CPLANE1: variants seen among roughly 807,000 people sequenced by gnomAD.
The protein encoded by CPLANE1 is ciliogenesis and planar polarity effector complex subunit 1.
CPLANE1 carries 263 observed loss-of-function variants against 362.5 expected under a neutral mutation model. The observed-to-expected ratio is 0.73, with a 90% confidence interval of 0.66 to 0.80. The LOEUF (loss-of-function observed/expected upper bound fraction) is 0.80. CPLANE1 is among the 30% of genes least tolerant of loss of function. The pLI is 0.00. For missense variants in CPLANE1, 3,461 were observed against 3,793.4 expected (o/e 0.91, Z 2.30); for synonymous variants, 1,212 against 1,302.6 (o/e 0.93, Z 1.50).
chr5:37,172,343 A>G (rs1480155311), intron 32 of CPLANE1, among the ~76,000 whole-genome samples: 1 of 152,214 alleles, frequency 6.6e-6, no homozygotes, highest in Admixed American at 6.5e-5. Context: ...ACCGACATAT[A>G]GTATGGGCAA....
intron 48 of CPLANE1, 29 bp from the exon 49 acceptor site, chr5:37,121,813 T>G (rs756511467): frequency 1.3e-6 from 2 of 1,585,592 alleles, no homozygotes; most frequent in Non-Finnish European, 1.7e-6. Flanking sequence ...GCATCATTTA[T>G]TAAGAGTCAC....
chr5:37,182,383 C>T (rs1007175843), intron 26 of CPLANE1, among the ~76,000 whole-genome samples: 1 of 152,182 alleles, frequency 6.6e-6, no homozygotes, highest in Non-Finnish European at 1.5e-5. Context: ...TATCCCCTAA[C>T]GGACTTGATG....
Position 37,107,700 on chromosome 5 carries a change from C to A in CPLANE1, c.9658G>T (p.Gly3220Cys), listed in dbSNP as rs1445678153. 6.2e-7 allele frequency: 1 copy of A among 1,612,004 alleles called. No individual in the cohort carries two copies. Among genetic ancestry groups the A allele is most frequent in the Admixed American group, 1.7e-5 (1 of 59,816 alleles). The part of the protein sequence containing the change: ...GGVDSVSEST[G>C]SILSKLDWNA... ...CAGTCCAGCTTGCTGAGGATGCTGC[C>A]AGTGCTCTCAGACACGCTGTCCACA... is the stretch of plus-strand genomic sequence containing the variant. The change falls in exon 53 of 53, where the codon GGC becomes TGC. Residue 3220 changes from glycine to cysteine, a missense_variant. Transcript: ENST00000651892.
chr5:37,125,538 C>G (rs1257270013), intron 46 of CPLANE1, 129 bp from the exon 47 acceptor site: 9 of 746,374 alleles, frequency 1.2e-5, no homozygotes, highest in Non-Finnish European at 1.9e-5. Context: ...TACTTATGTT[C>G]TCTAGTCAAC....
At chr5:37,096,520 T>TA in the CPLANE1 span, among the ~76,000 whole-genome samples, 1 of 152,094 alleles carries the variant, frequency 6.6e-6, no homozygotes, top group Non-Finnish European at 1.5e-5. Context: ...ACCAAGAACC[T>TA]AAAAGCAAAT....
At chr5:37,145,271 CT>C (rs1459376480) in intron 43 of CPLANE1, among the ~76,000 whole-genome samples, 2 of 152,196 alleles carry the variant, frequency 1.3e-5, no homozygotes, top group East Asian at 3.9e-4. Context: ...CACCACTGCA[CT>C]CTCCAGACTG....
In CPLANE1 at chr5:37,153,763, T is replaced by G. The variant is rs2150618421; in HGVS notation, c.8350A>C (p.Met2784Leu). 6.2e-7 allele frequency: 1 copy of G among 1,612,950 alleles called. No individual in the cohort carries two copies. The highest frequency in any genetic ancestry group is 1.1e-5 in the South Asian group (1 of 91,010). Residue 2784 changes from methionine (M) to leucine (L), a missense_variant, in exon 42 of 53, where the codon ATG becomes CTG. Met to Leu is a conservative substitution (Grantham distance 15). Around this residue, in one of 2 missense-constraint regions of CPLANE1, gnomAD observed 3,380 missense variants for 3,666.1 expected, o/e 0.92. Coordinates refer to ENST00000651892, the MANE Select transcript of CPLANE1 (RefSeq NM_001384732.1). ...ACCTTATCACAATGTAGATCTAGCA[T>G]TTCAGGCTTGGGGAAATCCTGTTCT... ...NIEQDFPKPE[M>L]LDLHCDKIGP...
chr5:37,078,631 C>T, the CPLANE1 span, among the ~76,000 whole-genome samples: 7 of 151,904 alleles, frequency 4.6e-5, no homozygotes, highest in Admixed American at 3.3e-4. Context: ...GCCACACTGT[C>T]TTCCACAATG....
intron 34 of CPLANE1, among the ~76,000 whole-genome samples, chr5:37,168,209 T>C (rs187750619): frequency 7.7e-6 from 1 of 130,620 alleles, no homozygotes; most frequent in Admixed American, 7.4e-5. Context: ...TTAATATATA[T>C]GCTACTAATC....
At chr5:37,077,788 A>T in the CPLANE1 span, among the ~76,000 whole-genome samples, 1 of 150,182 alleles carries the variant, frequency 6.7e-6, no homozygotes, top group Non-Finnish European at 1.5e-5. Flanking sequence ...TAATTTTTAA[A>T]TTTTTTTTGT....
At chr5:37,244,892 A>G (rs753902225) in intron 4 of CPLANE1, among the ~76,000 whole-genome samples, 3 of 151,932 alleles carry the variant, frequency 2.0e-5, no homozygotes, top group Non-Finnish European at 4.4e-5. Context: ...ACAGAACAAG[A>G]TCCTGTCTCT....
chr5:37,108,010 C>A (rs528094755), intron 52 of CPLANE1, among the ~76,000 whole-genome samples: 4 of 152,242 alleles, frequency 2.6e-5, no homozygotes, highest in African/African-American at 9.6e-5. Flanking sequence ...GATGTGAAGA[C>A]AGGGCAGAAC....
chr5:37,102,066 G>A (rs1757320188), downstream of CPLANE1, among the ~76,000 whole-genome samples: 1 of 151,670 alleles, frequency 6.6e-6, no homozygotes, highest in Admixed American at 6.6e-5. Flanking sequence ...TTTTTGAAGG[G>A]TTTTTTCATG....
chr5:37,164,251 C>T, intron 37 of CPLANE1, 22 bp downstream of exon 37: 1 of 1,569,672 alleles, frequency 6.4e-7, no homozygotes, highest in East Asian at 2.2e-5. Context: ...TTAGACATTA[C>T]ATTAATCATA....
intron 1 of CPLANE1, 53 bp from the exon 2 acceptor site, chr5:37,247,798 ATTTT>A (rs11320255): frequency 3.6e-4 from 366 of 1,030,932 alleles, no homozygotes; most frequent in Middle Eastern, 6.9e-4. Context: ...TTCACTGGGC[ATTTT>A]TTTTTTTTTT....
intron 44 of CPLANE1, chr5:37,140,167 A>G (rs1056912755): frequency 1.3e-5 from 11 of 874,744 alleles, no homozygotes; most frequent in Non-Finnish European, 1.5e-5. Flanking sequence ...CTAAATGTTT[A>G]ATTCTTCTAT....
At position 37,243,874 on chromosome 5, in the gene CPLANE1, G is replaced by A. The variant is rs1400224905; in HGVS notation, c.570+501C>T. Among the ~76,000 whole-genome samples the A allele has an allele frequency of 3.4e-5, 5 of 146,256 alleles. No homozygotes were observed. The South Asian group carries it at 1.1e-3, about 31-fold the overall frequency. Reference sequence around the variant, plus strand: ...TATTATACTTTTTTTTTTTGAGACAGAGTTTCACTCTCGTTGCCCAGGCTG... The same window carrying A: ...TATTATACTTTTTTTTTTTGAGACAAAGTTTCACTCTCGTTGCCCAGGCTG... On this transcript the variant is annotated intron_variant, in intron 5 of 52. Coordinates refer to ENST00000651892, the MANE Select transcript of CPLANE1 (RefSeq NM_001384732.1).
intron 16 of CPLANE1, chr5:37,210,854 T>C (rs141462026): frequency 1.2e-6 from 1 of 838,344 alleles, no homozygotes; most frequent in East Asian, 2.4e-5. Context: ...TGGTTGAGCA[T>C]GAGGAGTTCG....
At chr5:37,091,206 A>G in the CPLANE1 span, among the ~76,000 whole-genome samples, 1 of 152,162 alleles carries the variant, frequency 6.6e-6, no homozygotes. Context: ...GATGTTACAC[A>G]CGTCCCTGAA....
Sources: gnomAD v4.1 joint callset for allele counts (sites outside exome capture counted in the v4.1 genomes callset) on GRCh38, gnomAD v4.1.1 for gene constraint, gnomAD v4.1.1 regional missense constraint, MANE v1.5 for transcripts, NCBI Gene and HGNC (gene_info 2026-07-23, HGNC 2026-07-21) for gene names.